Variants in TMEM123 observed in about 807,000 individuals in gnomAD.
The protein encoded by TMEM123 is porimin.
TMEM123 carries 16 observed loss-of-function variants against 19.7 expected under a neutral mutation model. The observed-to-expected ratio is 0.81, with a 90% CI of 0.55 to 1.23. TMEM123 has a LOEUF of 1.23. Ranked by LOEUF, TMEM123 falls within the 50% of genes most tolerant of loss-of-function variation. The probability of loss-of-function intolerance (pLI) is 0.00; values close to 1 mark genes in which losing one functional copy is unlikely to be tolerated. For synonymous variants in TMEM123, 118 were observed against 99.4 expected, an observed-to-expected ratio of 1.19 and a Z score of -1.12; for missense variants, 313 against 257.8, an observed-to-expected ratio of 1.21 and a Z score of -1.47.
rs775770111 is a variant in TMEM123, at chr11:102,398,456, C to CT, written c.*410dup. On this transcript the variant is annotated 3_prime_UTR_variant, in exon 5 of 5. Transcript: ENST00000398136. Reference sequence around the variant, plus strand: ...TCCAGCTCTGAAAAGCACTGAAGTTCTTTATGTGAGCTACAAAAGATACCC... The same window carrying CT: ...TCCAGCTCTGAAAAGCACTGAAGTTCTTTTATGTGAGCTACAAAAGATACCC... 2 of 403,938 alleles carry CT rather than the reference C, an allele frequency of 5.0e-6. No homozygotes were observed. The highest frequency in any genetic ancestry group is 8.7e-6 in the Non-Finnish European group (2 of 230,314). 25.0% of individuals were successfully genotyped at this position (403,938 alleles called of 1,614,324 possible). A position where few individuals can be genotyped will look rare whatever the true frequency, so the allele number is the denominator to read the frequency against.
chr11:102,446,140 T>G (rs1028137476), intron 2 of TMEM123, among the ~76,000 whole-genome samples: 12 of 152,236 alleles, frequency 7.9e-5, no homozygotes, highest in African/African-American at 2.9e-4. Flanking sequence ...CACTCCAATC[T>G]AGACCATGCC....
At chr11:102,438,829 C>A (rs1857793334) in intron 2 of TMEM123, among the ~76,000 whole-genome samples, 1 of 152,240 alleles carries the variant, frequency 6.6e-6, no homozygotes, top group Non-Finnish European at 1.5e-5. Flanking sequence ...GGGGAATCCC[C>A]TTTCCTAGCA....
chr11:102,436,577 A>C (rs1489217918), intron 2 of TMEM123, among the ~76,000 whole-genome samples: 1 of 151,928 alleles, frequency 6.6e-6, no homozygotes, highest in Non-Finnish European at 1.5e-5. Context: ...CGGACACACA[A>C]AGAGATGAAG....
chr11:102,402,168 T>G lies in TMEM123; in HGVS notation c.196A>C (p.Thr66Pro). The change falls in exon 3 of 5, where the codon ACT becomes CCT. Residue 66 changes from threonine (T) to proline (P), a missense_variant. Physicochemically the swap from Thr to Pro is conservative, Grantham distance 38. Coordinates refer to ENST00000398136, the MANE Select transcript of TMEM123 (RefSeq NM_052932.3). ...GGTGGTTTCACAGTACTGTTGGAAG[T>G]TTCATTTGTATGGTCAGAAGGCACA... ...QHVPSDHTNE[T>P]SNSTVKPPTS... 1 of 1,614,096 alleles carries G rather than the reference T, an allele frequency of 6.2e-7. No homozygotes were observed. The highest frequency in any genetic ancestry group is 8.5e-7 in the Non-Finnish European group (1 of 1,180,012).
At chr11:102,452,105 T>A (rs1857947070) in intron 1 of TMEM123, 2 of 157,162 alleles carry the variant, frequency 1.3e-5, no homozygotes, top group South Asian at 4.0e-4. Context: ...GCTCCCCGAC[T>A]AACTGGGAGA....
chr11:102,434,277 A>T (rs1019064700), intron 2 of TMEM123, among the ~76,000 whole-genome samples: 1 of 152,020 alleles, frequency 6.6e-6, no homozygotes, highest in East Asian at 1.9e-4. Flanking sequence ...TTTTGAGAAT[A>T]GCCATTCTCA....
chr11:102,419,066 C>G, intron 2 of TMEM123, among the ~76,000 whole-genome samples: 1 of 152,144 alleles, frequency 6.6e-6, no homozygotes, highest in East Asian at 1.9e-4. Context: ...GAGTACTACG[C>G]TCATTACCTG....
chr11:102,414,273 A>G (rs956656547), intron 2 of TMEM123, among the ~76,000 whole-genome samples: 2 of 152,246 alleles, frequency 1.3e-5, no homozygotes, highest in African/African-American at 4.8e-5. Context: ...TCTGGAAAAC[A>G]TATTTGAGGA....
At chr11:102,438,768 G>T (rs375776931) in intron 2 of TMEM123, among the ~76,000 whole-genome samples, 2 of 152,230 alleles carry the variant, frequency 1.3e-5, no homozygotes, top group African/African-American at 4.8e-5. Context: ...CCCACAGAGC[G>T]TAAGCCGAAG....
At chr11:102,404,263 AAGAC>A (rs549368297) in intron 2 of TMEM123, among the ~76,000 whole-genome samples, 34 of 152,258 alleles carry the variant, frequency 2.2e-4, no homozygotes, top group Admixed American at 1.3e-3. Flanking sequence ...TTATTCTTGA[AAGAC>A]AGACAGATTG....
Position 102,398,383 on chromosome 11 carries a change from T to A in TMEM123, c.*484A>T. 5.1e-6 allele frequency: 2 copies of A among 393,860 alleles called. No individual in the cohort carries two copies. Among genetic ancestry groups the A allele is most frequent in the Non-Finnish European group, 8.9e-6 (2 of 223,592 alleles). The allele number at this position is 393,860 out of a possible 1,614,324, so 24.4% of individuals were successfully genotyped here. A position where few individuals can be genotyped will look rare whatever the true frequency, so the allele number is the denominator to read the frequency against. On this transcript the variant is annotated 3_prime_UTR_variant, in exon 5 of 5. Transcript: ENST00000398136. Reference sequence around the variant, plus strand: ...TGTTTTTCTTAAATTATGCTTCAGATCTAGTTTGATTGTATAATTTCTGTG... The same window carrying A: ...TGTTTTTCTTAAATTATGCTTCAGAACTAGTTTGATTGTATAATTTCTGTG...
intron 2 of TMEM123, among the ~76,000 whole-genome samples, chr11:102,443,893 T>C (rs1182334401): frequency 6.6e-6 from 1 of 152,156 alleles, no homozygotes; most frequent in Non-Finnish European, 1.5e-5. Flanking sequence ...GCAAAGGATA[T>C]GAACAGACAC....
chr11:102,415,419 CAT>C (rs1158554047), intron 2 of TMEM123, among the ~76,000 whole-genome samples: 4 of 152,176 alleles, frequency 2.6e-5, no homozygotes, highest in African/African-American at 4.8e-5. Context: ...TAAAACTGCA[CAT>C]GACACATACC....
intron 2 of TMEM123, among the ~76,000 whole-genome samples, chr11:102,405,823 TTGTCAATTTCTA>T (rs998307726): frequency 6.2e-4 from 94 of 152,330 alleles, no homozygotes; most frequent in African/African-American, 2.0e-3. Context: ...ACAAAAAATT[TTGTCAATTTCTA>T]TGTCAATTTC....
intron 2 of TMEM123, among the ~76,000 whole-genome samples, chr11:102,447,494 A>T (rs145663448): frequency 6.6e-6 from 1 of 152,198 alleles, no homozygotes; most frequent in Non-Finnish European, 1.5e-5. Context: ...GGAGTATCTT[A>T]TAAGTTGTAG....
In TMEM123 at chr11:102,407,370, C is replaced by A. The variant is rs1213670114; in HGVS notation, c.158-5164G>T. 2.6e-5 allele frequency among the ~76,000 whole-genome samples: 4 copies of A among 152,318 alleles called. No homozygotes were observed. The East Asian group carries it at 7.7e-4, about 29-fold the overall frequency. On this transcript the variant is annotated intron_variant, in intron 2 of 4. Coordinates refer to ENST00000398136, the MANE Select transcript of TMEM123 (RefSeq NM_052932.3). ...AGTGAATTGGACATTCTATCTATAA[C>A]ACCTCAGCTAGTGCAGTTGGGAGGG...
At position 102,452,595 on chromosome 11, in the gene TMEM123, G is replaced by T. The variant is rs778092007; in HGVS notation, c.29C>A (p.Ala10Asp). 6 of 1,562,744 alleles carry T rather than the reference G, an allele frequency of 3.8e-6. No homozygotes were observed. Among genetic ancestry groups the T allele is most frequent in the Non-Finnish European group, 5.2e-6 (6 of 1,157,738 alleles). Residue 10 changes from alanine (A) to aspartate (D), a missense_variant, in exon 1 of 5, where the codon GCC becomes GAC. Transcript: ENST00000398136. Reference protein sequence around the residue: MGLGARGAWAALLLGTLQVL... With the variant: MGLGARGAWDALLLGTLQVL... ...CTGCAGCGTCCCCAGGAGCAGCGCG[G>T]CCCAAGCACCTCGCGCGCCGAGTCC...
In TMEM123 at chr11:102,399,010, C is replaced by G. The variant is rs1951886217; in HGVS notation, c.603-119G>C. 5 of 908,018 alleles carry G rather than the reference C, an allele frequency of 5.5e-6. No individual in the cohort carries two copies. The South Asian group carries it at 6.4e-5, about 12-fold the overall frequency. 56.2% of individuals were successfully genotyped at this position (908,018 alleles called of 1,614,324 possible). The stretch of plus-strand genomic sequence containing the variant: ...TTTCAAGCTGCACAATCAAAATGGT[C>G]AGTGTTCTGTGTAAAGTTCCTTAAG... On this transcript the variant is annotated intron_variant, in intron 4 of 4. Coordinates refer to ENST00000398136, the MANE Select transcript of TMEM123 (RefSeq NM_052932.3).
At chr11:102,435,769 GAC>G (rs1857756506) in intron 2 of TMEM123, among the ~76,000 whole-genome samples, 1 of 151,900 alleles carries the variant, frequency 6.6e-6, no homozygotes, top group Non-Finnish European at 1.5e-5. Flanking sequence ...ATGGAAATAA[GAC>G]AGTCACAAAA....
Sources: allele counts gnomAD v4.1 joint callset (sites outside exome capture counted in the v4.1 genomes callset), GRCh38; gene constraint gnomAD v4.1.1; transcripts MANE v1.5; gene names NCBI Gene and HGNC (gene_info 2026-07-23, HGNC 2026-07-21).